NFIA: variants seen among roughly 807,000 people sequenced by gnomAD.
NFIA encodes the protein nuclear factor I A.
NFIA carries 8 observed loss-of-function variants against 62.8 expected under a neutral mutation model. The observed-to-expected ratio is 0.13, with a 90% CI of 0.07 to 0.23. The LOEUF (loss-of-function observed/expected upper bound fraction) is 0.23, where lower values mean the gene tolerates loss of function less well. Ranked by LOEUF, NFIA falls within the 10% of genes least tolerant of loss-of-function variation. The probability of loss-of-function intolerance (pLI) is 1.00; values close to 1 mark genes in which losing one functional copy is unlikely to be tolerated. For synonymous variants in NFIA, 235 were observed against 238.1 expected (o/e 0.99, Z 0.12); for missense variants, 410 against 642.1 (o/e 0.64, Z 3.91).
chr1:61,413,103 A>T lies in NFIA; in HGVS notation c.1420+6376A>T, dbSNP rs1481649244. On this transcript the variant is annotated intron_variant, in intron 9 of 10. Transcript: ENST00000403491. ...TTTAAAAATGCATGAAAGACCTATC[A>T]ATATGTTTCTCCATGCCTTCTTCAC... Among the ~76,000 whole-genome samples, 3 of 152,186 alleles carry T rather than the reference A, an allele frequency of 2.0e-5. No homozygotes were observed. In the East Asian group the frequency reaches 5.8e-4, roughly 29 times the overall value.
chr1:61,108,506 C>T (rs570842187), intron 2 of NFIA, among the ~76,000 whole-genome samples: 11 of 151,462 alleles, frequency 7.3e-5, no homozygotes, highest in East Asian at 1.9e-4. Flanking sequence ...TTTACTATTT[C>T]GATAATCATA....
intron 2 of NFIA, among the ~76,000 whole-genome samples, chr1:61,097,174 A>G (rs912376166): frequency 4.6e-5 from 7 of 152,152 alleles, no homozygotes; most frequent in African/African-American, 1.7e-4. Context: ...AATAGTACTC[A>G]TATCCTATTG....
At chr1:61,357,222 G>T (rs1035206390) in intron 5 of NFIA, among the ~76,000 whole-genome samples, 1 of 152,174 alleles carries the variant, frequency 6.6e-6, no homozygotes, top group Non-Finnish European at 1.5e-5. Context: ...CCTTCTGGGG[G>T]TTATGTTCGA....
chr1:61,288,593 C>G (rs1658660353), intron 3 of NFIA, among the ~76,000 whole-genome samples: 1 of 152,150 alleles, frequency 6.6e-6, no homozygotes, highest in African/African-American at 2.4e-5. Context: ...TGTGGACTTT[C>G]TGTGTGCCAG....
chr1:61,432,659 A>C (rs1269445228), intron 10 of NFIA, among the ~76,000 whole-genome samples: 2 of 151,880 alleles, frequency 1.3e-5, no homozygotes, highest in Non-Finnish European at 2.9e-5. Context: ...ATATACATAT[A>C]TATACAGAGA....
intron 7 of NFIA, among the ~76,000 whole-genome samples, chr1:61,386,834 C>T (rs1231288770): frequency 6.6e-6 from 1 of 152,186 alleles, no homozygotes; most frequent in African/African-American, 2.4e-5. Context: ...GGTCTATAAA[C>T]AACAGAAATG....
chr1:61,121,396 A>C (rs6670604), intron 2 of NFIA, among the ~76,000 whole-genome samples: 118,761 of 152,038 alleles, frequency 0.78, 47,201 homozygotes, highest in Middle Eastern at 0.87. Context: ...CCTCCTCCCC[A>C]AGAATTCTAG....
intron 7 of NFIA, among the ~76,000 whole-genome samples, chr1:61,400,869 T>G (rs1665523799): frequency 6.6e-6 from 1 of 152,096 alleles, no homozygotes. Flanking sequence ...TTAGGTACAG[T>G]AAAAACATCC....
At chr1:61,343,475 T>A (rs1386939326) in intron 4 of NFIA, among the ~76,000 whole-genome samples, 1 of 152,224 alleles carries the variant, frequency 6.6e-6, no homozygotes, top group African/African-American at 2.4e-5. Context: ...GCTCTGTCTG[T>A]GTTAGCGGAT....
chr1:61,395,251 T>G (rs1232615791), intron 7 of NFIA, among the ~76,000 whole-genome samples: 1 of 151,914 alleles, frequency 6.6e-6, no homozygotes, highest in Non-Finnish European at 1.5e-5. Flanking sequence ...GTTATGAGAT[T>G]TGCTTTTCTG....
rs1557631713 is a variant in NFIA, at chr1:61,200,008, A to ATG, written c.560-77510_560-77509dup. Among the ~76,000 whole-genome samples, 100 of 64,986 alleles carry ATG rather than the reference A, an allele frequency of 1.5e-3. 4 individuals are homozygous for ATG. Among genetic ancestry groups the ATG allele is most frequent in the African/African-American group, 4.1e-3 (67 of 16,260 alleles). 42.6% of individuals were successfully genotyped at this position (64,986 alleles called of 152,430 possible). On this transcript the variant is annotated intron_variant, in intron 2 of 10. Coordinates refer to ENST00000403491, the MANE Select transcript of NFIA (RefSeq NM_001134673.4). ...AGACTCCAACTCACAAAATATATAT[A>ATG]TGTATATATATATATATATATATAT... is the stretch of plus-strand genomic sequence containing the variant.
chr1:61,361,782 G>GGT (rs61410878), intron 6 of NFIA, among the ~76,000 whole-genome samples: 13,875 of 142,012 alleles, frequency 0.098, 682 homozygotes, highest in Middle Eastern at 0.12. Flanking sequence ...TTTGGTAAGA[G>GGT]GTGTGTGTGT....
intron 2 of NFIA, among the ~76,000 whole-genome samples, chr1:61,205,478 G>C (rs1413873050): frequency 2.0e-5 from 3 of 152,150 alleles, no homozygotes; most frequent in Admixed American, 6.5e-5. Flanking sequence ...GAGCAAATCT[G>C]GTGCTCCTGG....
intron 9 of NFIA, among the ~76,000 whole-genome samples, chr1:61,409,359 AAT>A (rs1035146554): frequency 8.5e-5 from 13 of 152,320 alleles, no homozygotes; most frequent in Admixed American, 3.3e-4. Flanking sequence ...AATTCATAGT[AAT>A]ATGTAGTTTC....
At chr1:61,175,269 G>T (rs1650259526) in intron 2 of NFIA, among the ~76,000 whole-genome samples, 1 of 152,018 alleles carries the variant, frequency 6.6e-6, no homozygotes, top group Admixed American at 6.6e-5. Context: ...AGTCTTTTGA[G>T]TAGCTGGGAC....
At position 61,203,965 on chromosome 1, in the gene NFIA, T is replaced by C. The variant is rs1464631532; in HGVS notation, c.560-73555T>C. The stretch of plus-strand genomic sequence containing the variant: ...ATATTTCAGGGCAGATATTTAGGTG[T>C]GTGTATGAGCTGTAGTTGGTGAATA... On this transcript the variant is annotated intron_variant, in intron 2 of 10. Transcript: ENST00000403491. Among the ~76,000 whole-genome samples the C allele has an allele frequency of 4.6e-5, 7 of 150,856 alleles. No individual in the cohort carries two copies. In the South Asian group the frequency reaches 1.5e-3, roughly 31 times the overall value.
intron 2 of NFIA, among the ~76,000 whole-genome samples, chr1:61,184,390 C>T (rs1315303643): frequency 6.6e-6 from 1 of 152,264 alleles, no homozygotes; most frequent in Non-Finnish European, 1.5e-5. Context: ...CTTGCTACCT[C>T]CACAGAGTAC....
At chr1:61,379,101 G>GTATAA (rs1223783311) in intron 6 of NFIA, among the ~76,000 whole-genome samples, 1 of 152,096 alleles carries the variant, frequency 6.6e-6, no homozygotes. Flanking sequence ...CACCTTTGCG[G>GTATAA]TATAATATAA....
At chr1:61,373,106 A>G (rs991628312) in intron 6 of NFIA, among the ~76,000 whole-genome samples, 2 of 152,158 alleles carry the variant, frequency 1.3e-5, no homozygotes, top group African/African-American at 4.8e-5. Flanking sequence ...TCATTGCACA[A>G]CGCTAGCTTC....
Sources: allele counts gnomAD v4.1 joint callset (sites outside exome capture counted in the v4.1 genomes callset), GRCh38; gene constraint gnomAD v4.1.1; transcripts MANE v1.5; gene names NCBI Gene and HGNC (gene_info 2026-07-23, HGNC 2026-07-21).